ZCCHC4: variants seen among roughly 807,000 people sequenced by gnomAD.
The protein encoded by ZCCHC4 is zinc finger CCHC-type containing 4.
A neutral mutation model predicts 67.7 loss-of-function variants in ZCCHC4; 54 were observed. That is an observed-to-expected ratio of 0.80 (90% CI 0.64 to 1.00). The LOEUF (loss-of-function observed/expected upper bound fraction) is 1.00, where lower values mean the gene tolerates loss of function less well. Among genes scored for constraint, ZCCHC4 ranks in the 50% least tolerant of loss-of-function variants. The pLI is 0.00. For missense variants in ZCCHC4, 609 were observed against 617.0 expected, an observed-to-expected ratio of 0.99 and a Z score of 0.14; for synonymous variants, 198 against 213.5, an observed-to-expected ratio of 0.93 and a Z score of 0.63.
chr4:25,324,014 G>GTTTGTTTTTTTTTT (rs1553895906), intron 3 of ZCCHC4, among the ~76,000 whole-genome samples: 2 of 82,448 alleles, frequency 2.4e-5, no homozygotes, highest in South Asian at 4.1e-4. Flanking sequence ...TGTTTTTTGT[G>GTTTGTTTTTTTTTT]TTTTTTTTTT....
At chr4:25,313,387 G>T (rs1718058209) in intron 1 of ZCCHC4, among the ~76,000 whole-genome samples, 1 of 152,184 alleles carries the variant, frequency 6.6e-6, no homozygotes, top group African/African-American at 2.4e-5. Flanking sequence ...CACTGCAAGG[G>T]TAACCGCGCA....
At chr4:25,349,074 A>G (rs750465393) in intron 6 of ZCCHC4, among the ~76,000 whole-genome samples, 22 of 152,208 alleles carry the variant, frequency 1.4e-4, no homozygotes, top group Admixed American at 5.2e-4. Flanking sequence ...ATGGCATTGG[A>G]CAAACCAGAT....
rs1718097766 is a variant in ZCCHC4 at position 25,313,957 on chromosome 4, A to G, written c.128-89A>G. The stretch of plus-strand genomic sequence containing the variant: ...ATAAATTGTGCCTAAAGCTCAAACA[A>G]ATTTTATTTAAGGGCAGCGAAAACT... On this transcript the variant is annotated intron_variant, in intron 1 of 12. Transcript: ENST00000302874. 9 of 777,182 alleles carry G rather than the reference A, an allele frequency of 1.2e-5. No homozygotes were observed. In the South Asian group the frequency reaches 1.5e-4, roughly 13 times the overall value. 48.1% of individuals were successfully genotyped at this position (777,182 alleles called of 1,614,324 possible).
intron 8 of ZCCHC4, among the ~76,000 whole-genome samples, chr4:25,357,309 G>A (rs924446646): frequency 2.0e-5 from 3 of 152,112 alleles, no homozygotes; most frequent in African/African-American, 7.2e-5. Context: ...TTTTATCAAC[G>A]TCTCTCCTGA....
In ZCCHC4 at chr4:25,315,409, G is replaced by T. The variant is rs1422911466; in HGVS notation, c.329+9G>T. ...ACGCAGTGTGTGGAAAGGTACTGAT[G>T]CAGTGTCATTTTTCTTTATTAGTTT... On this transcript the variant is annotated intron_variant, in intron 3 of 12. Coordinates refer to ENST00000302874, the MANE Select transcript of ZCCHC4 (RefSeq NM_024936.3). 6.3e-7 allele frequency: 1 copy of T among 1,577,232 alleles called. No individual in the cohort carries two copies. The highest frequency in any genetic ancestry group is 1.8e-5 in the Admixed American group (1 of 54,888).
intron 12 of ZCCHC4, among the ~76,000 whole-genome samples, chr4:25,368,057 G>A (rs1009795084): frequency 2.6e-5 from 4 of 152,122 alleles, no homozygotes; most frequent in African/African-American, 9.7e-5. Flanking sequence ...TTCTCAACAG[G>A]TAACATATGC....
At chr4:25,343,450 A>G (rs1719846987) in intron 5 of ZCCHC4, among the ~76,000 whole-genome samples, 1 of 152,194 alleles carries the variant, frequency 6.6e-6, no homozygotes, top group Admixed American at 6.5e-5. Context: ...TTAAGACATA[A>G]ATATTTACGC....
chr4:25,362,656 T>G (rs554061263), intron 10 of ZCCHC4, among the ~76,000 whole-genome samples: 2 of 152,188 alleles, frequency 1.3e-5, no homozygotes, highest in Non-Finnish European at 2.9e-5. Context: ...ATCATTCTGA[T>G]GAAATAATTA....
chr4:25,351,708 T>C lies in ZCCHC4; in HGVS notation c.1011+19T>C. On this transcript the variant is annotated intron_variant, in intron 8 of 12. Transcript: ENST00000302874. ...TTACCAGGTAGAGTACATATTCTGT[T>C]TTCTGGCATGGTTGGGGAATGGAGA... The C allele has an allele frequency of 6.4e-7, 1 of 1,570,882 alleles. No homozygotes were observed. The highest frequency in any genetic ancestry group is 1.2e-5 in the South Asian group (1 of 86,802).
chr4:25,340,036 T>G (rs1348830236), intron 5 of ZCCHC4, among the ~76,000 whole-genome samples: 1 of 152,016 alleles, frequency 6.6e-6, no homozygotes, highest in East Asian at 1.9e-4. Context: ...GCCTGGCTAA[T>G]TTTTTATATT....
chr4:25,320,082 G>A (rs1315047803), intron 3 of ZCCHC4, among the ~76,000 whole-genome samples: 2 of 152,038 alleles, frequency 1.3e-5, no homozygotes, highest in African/African-American at 2.4e-5. Flanking sequence ...GGTTTACAGA[G>A]TAGGATTTGA....
chr4:25,346,092 A>G (rs532385259), intron 6 of ZCCHC4, among the ~76,000 whole-genome samples: 5 of 151,696 alleles, frequency 3.3e-5, no homozygotes, highest in Middle Eastern at 3.4e-3. Context: ...CCCGACCCCT[A>G]CTCCCCAAAG....
intron 3 of ZCCHC4, among the ~76,000 whole-genome samples, chr4:25,325,664 A>G (rs950998698): frequency 6.6e-6 from 1 of 152,184 alleles, no homozygotes; most frequent in Admixed American, 6.5e-5. Context: ...GAAGAAAAAA[A>G]TGTTAAGTCA....
intron 5 of ZCCHC4, among the ~76,000 whole-genome samples, chr4:25,344,194 A>G (rs1391071348): frequency 6.6e-6 from 1 of 152,130 alleles, no homozygotes; most frequent in Non-Finnish European, 1.5e-5. Context: ...ATTAGCAGGA[A>G]TTTATAAAAT....
chr4:25,351,990 A>C (rs1226396875), intron 8 of ZCCHC4: 4 of 1,044,130 alleles, frequency 3.8e-6, no homozygotes, highest in South Asian at 4.5e-5. Context: ...AGAGCGGCTG[A>C]TTTAGTCTTT....
chr4:25,353,535 G>A (rs1045709410), intron 8 of ZCCHC4, among the ~76,000 whole-genome samples: 2 of 152,132 alleles, frequency 1.3e-5, no homozygotes, highest in Non-Finnish European at 2.9e-5. Flanking sequence ...CTACGTAAAC[G>A]GGTTCTAGTT....
At chr4:25,366,008 T>C in intron 12 of ZCCHC4, 1 of 980,548 alleles carries the variant, frequency 1.0e-6, no homozygotes, top group Non-Finnish European at 1.2e-6. Context: ...TATATGACAT[T>C]ATATGAAAAT....
chr4:25,347,793 T>G (rs947682759), intron 6 of ZCCHC4, among the ~76,000 whole-genome samples: 8 of 152,188 alleles, frequency 5.3e-5, no homozygotes, highest in Non-Finnish European at 7.3e-5. Context: ...TTTAAAAAAA[T>G]GTCATCTGCC....
chr4:25,341,276 C>T lies in ZCCHC4; in HGVS notation c.687-4272C>T, dbSNP rs977706307. Reference sequence around the variant, plus strand: ...TTGATATGGTTTGGAGTTGATATCTCATGTTGAAGTGTGATTTCCAGTGTT... The same window carrying T: ...TTGATATGGTTTGGAGTTGATATCTTATGTTGAAGTGTGATTTCCAGTGTT... On this transcript the variant is annotated intron_variant, in intron 5 of 12. Transcript: ENST00000302874. 4.4e-4 allele frequency among the ~76,000 whole-genome samples: 67 copies of T among 152,124 alleles called. 1 individual carries two copies. The highest frequency in any genetic ancestry group is 1.5e-3 in the African/African-American group (61 of 41,430).
Sources: allele counts gnomAD v4.1 joint callset (sites outside exome capture counted in the v4.1 genomes callset), GRCh38; gene constraint gnomAD v4.1.1; transcripts MANE v1.5; gene names NCBI Gene and HGNC (gene_info 2026-07-23, HGNC 2026-07-21).